The following CRYBG1 variants were observed in gnomAD, a reference collection of about 807,000 sequenced individuals.
CRYBG1 encodes the protein crystallin beta-gamma domain containing 1.
A neutral mutation model predicts 189.2 loss-of-function variants in CRYBG1; 139 were observed. The observed-to-expected ratio is 0.73, with a 90% CI of 0.64 to 0.85. CRYBG1 has a LOEUF of 0.85. CRYBG1 is among the 40% of genes least tolerant of loss of function. CRYBG1 has a pLI of 0.00. For synonymous variants in CRYBG1, 1,023 were observed against 1,017.1 expected (o/e 1.01, Z -0.11); for missense variants, 2,611 against 2,675.8 (o/e 0.98, Z 0.53).
intron 2 of CRYBG1, among the ~76,000 whole-genome samples, chr6:106,480,421 T>G (rs1772422172): frequency 6.6e-6 from 1 of 151,680 alleles, no homozygotes; most frequent in South Asian, 2.1e-4. Context: ...TCCCAGCACT[T>G]TGGGAGGCCG....
At chr6:106,566,859 A>G (rs9486403) in intron 21 of CRYBG1, among the ~76,000 whole-genome samples, 25,917 of 152,068 alleles carry the variant, frequency 0.17, 2,840 homozygotes, top group African/African-American at 0.31. Flanking sequence ...TGCCCTAAGA[A>G]TTATTAGATC....
chr6:106,552,582 C>CAAAAAAAAAAAAAAAAAAAAAAAAAAA (rs58470981), intron 15 of CRYBG1, among the ~76,000 whole-genome samples: 1 of 67,622 alleles, frequency 1.5e-5, no homozygotes, highest in Non-Finnish European at 2.7e-5. Context: ...GACTCTGTCT[C>CAAAAAAAAAAAAAAAAAAAAAAAAAAA]AAAAAAAAAA....
At chr6:106,408,071 C>G (rs1770857724) in intron 1 of CRYBG1, among the ~76,000 whole-genome samples, 1 of 152,052 alleles carries the variant, frequency 6.6e-6, no homozygotes, top group African/African-American at 2.4e-5. Context: ...TTCAGAAAAT[C>G]AATGAATCCA....
At chr6:106,530,350 GT>G (rs770773747) in intron 8 of CRYBG1, 35 bp downstream of exon 8, 19 of 1,586,446 alleles carry the variant, frequency 1.2e-5, no homozygotes, top group African/African-American at 9.5e-5. Flanking sequence ...TTTTAATGAA[GT>G]TTTTTTGTGA....
rs1308904343 is a variant in CRYBG1 at position 106,431,064 on chromosome 6, G to C, written c.174-20630G>C. Among the ~76,000 whole-genome samples the C allele has an allele frequency of 3.3e-5, 5 of 152,126 alleles. No individual in the cohort carries two copies. In the East Asian group the frequency reaches 9.7e-4, roughly 29 times the overall value. On this transcript the variant is annotated intron_variant, in intron 1 of 21. Coordinates refer to ENST00000633556, the MANE Select transcript of CRYBG1 (RefSeq NM_001371242.2). ...TTTAGTAGAGATGGGGTTTCACCAT[G>C]TCAGCCAGGCTGGTCTCAAACTCCT... is the stretch of plus-strand genomic sequence containing the variant.
In CRYBG1 at chr6:106,529,921, A is replaced by G. The variant is rs565296215; in HGVS notation, c.4579-255A>G. On this transcript the variant is annotated intron_variant, in intron 7 of 21. Transcript: ENST00000633556. Reference sequence around the variant, plus strand: ...AGAAATATATTCCAAAACTCAAATAAAATACATTTCTGATGATCTTTGCTT... The same window carrying G: ...AGAAATATATTCCAAAACTCAAATAGAATACATTTCTGATGATCTTTGCTT... Among the ~76,000 whole-genome samples the G allele has an allele frequency of 3.2e-3, 487 of 152,320 alleles. 3 individuals are homozygous for G. The highest frequency in any genetic ancestry group is 4.7e-3 in the Non-Finnish European group (317 of 68,022).
intron 2 of CRYBG1, among the ~76,000 whole-genome samples, chr6:106,461,466 G>T (rs1772006882): frequency 6.6e-6 from 1 of 152,202 alleles, no homozygotes. Context: ...GGCCAGAGAT[G>T]CTCACTTGTG....
At chr6:106,526,941 CAA>C (rs35768853) in intron 6 of CRYBG1, among the ~76,000 whole-genome samples, 71 of 88,356 alleles carry the variant, frequency 8.0e-4, no homozygotes, top group South Asian at 8.2e-4. Context: ...ACTCTGTATC[CAA>C]AAAAAAAAAA....
At chr6:106,409,317 G>A (rs553610674) in intron 1 of CRYBG1, among the ~76,000 whole-genome samples, 66 of 152,126 alleles carry the variant, frequency 4.3e-4, no homozygotes, top group Non-Finnish European at 7.8e-4. Flanking sequence ...ACTTACAAGG[G>A]ATGTGAAAGA....
rs530047869 is a variant in CRYBG1, at chr6:106,509,010, T to C, written c.313-2420T>C. Among the ~76,000 whole-genome samples the C allele has an allele frequency of 1.7e-4, 26 of 152,146 alleles. No homozygotes were observed. In the South Asian group the frequency reaches 4.8e-3, roughly 28 times the overall value. On this transcript the variant is annotated intron_variant, in intron 2 of 21. Coordinates refer to ENST00000633556, the MANE Select transcript of CRYBG1 (RefSeq NM_001371242.2). ...GCGTCTGCTGCATGGGAAAAGCAGA[T>C]TGCAACATCATTGGCAGGACAGAGT... is the stretch of plus-strand genomic sequence containing the variant.
In CRYBG1 at chr6:106,553,488, C is replaced by T. The variant is rs1202636540; in HGVS notation, c.5506C>T (p.His1836Tyr). 1 of 1,613,362 alleles carries T rather than the reference C, an allele frequency of 6.2e-7. No individual in the cohort carries two copies. Among genetic ancestry groups the T allele is most frequent in the Non-Finnish European group, 8.5e-7 (1 of 1,179,506 alleles). ...HLFSEPQFQG[H>Y]SQSFEETTSQ... ...GTTTTCAGAACCACAGTTTCAAGGTCACAGTCAAAGTTTTGAAGAAACAAC... is the reference window on the plus strand; with the variant it reads ...GTTTTCAGAACCACAGTTTCAAGGTTACAGTCAAAGTTTTGAAGAAACAAC... The change falls in exon 16 of 22, where the codon CAC (histidine) becomes TAC (tyrosine). Residue 1836 changes from histidine to tyrosine, a missense_variant. Physicochemically the swap from His to Tyr is moderately conservative, Grantham distance 83. Transcript: ENST00000633556.
chr6:106,510,546 C>G (rs936613286), intron 2 of CRYBG1, among the ~76,000 whole-genome samples: 2 of 152,232 alleles, frequency 1.3e-5, no homozygotes, highest in Non-Finnish European at 2.9e-5. Context: ...ATAGGTGGGC[C>G]GGCCCCTGGG....
intron 2 of CRYBG1, among the ~76,000 whole-genome samples, chr6:106,453,509 A>C (rs892501443): frequency 2.6e-5 from 4 of 152,232 alleles, no homozygotes; most frequent in Admixed American, 6.5e-5. Context: ...ATTTTTAACT[A>C]GGGGAAAAAA....
In CRYBG1 at chr6:106,491,534, A is replaced by G. The variant is rs547748829; in HGVS notation, c.313-19896A>G. On this transcript the variant is annotated intron_variant, in intron 2 of 21. Transcript: ENST00000633556. ...CAACATGACCCAAGCTGGACTCCCTACCCTCCGACGGAGCTCTCCAGTGCT... is the reference window on the plus strand; with the variant it reads ...CAACATGACCCAAGCTGGACTCCCTGCCCTCCGACGGAGCTCTCCAGTGCT... Among the ~76,000 whole-genome samples the G allele has an allele frequency of 4.6e-5, 7 of 151,952 alleles. No homozygotes were observed. The South Asian group carries it at 1.5e-3, about 32-fold the overall frequency.
rs1046336450 is a variant in CRYBG1, at chr6:106,520,499, T to G, written c.3291T>G (p.Ser1097Arg). ...ACATTTCTGCTGGTAGTGATGATAG[T>G]GTATTTGATTCTTCTTCTGATATGG... is the stretch of plus-strand genomic sequence containing the variant. ...LLNISAGSDD[S>R]VFDSSSDMEK... Residue 1097 changes from serine (S) to arginine (R), a missense_variant, in exon 4 of 22, where the codon AGT becomes AGG. Transcript: ENST00000633556. 1 of 1,614,152 alleles carries G rather than the reference T, an allele frequency of 6.2e-7. No homozygotes were observed. Among genetic ancestry groups the G allele is most frequent in the Non-Finnish European group, 8.5e-7 (1 of 1,180,020 alleles).
At chr6:106,453,067 G>A (rs1207910219) in intron 2 of CRYBG1, among the ~76,000 whole-genome samples, 6 of 152,178 alleles carry the variant, frequency 3.9e-5, no homozygotes, top group Non-Finnish European at 8.8e-5. Flanking sequence ...AAGAGTTCTG[G>A]AGATTGGCTG....
chr6:106,488,325 C>T (rs1456882648), intron 2 of CRYBG1, among the ~76,000 whole-genome samples: 2 of 152,136 alleles, frequency 1.3e-5, no homozygotes, highest in East Asian at 1.9e-4. Context: ...GGTGTAGGGT[C>T]CCCTCCAGGC....
intron 2 of CRYBG1, among the ~76,000 whole-genome samples, chr6:106,452,816 C>T (rs1457279375): frequency 1.3e-5 from 2 of 152,178 alleles, no homozygotes; most frequent in Non-Finnish European, 2.9e-5. Flanking sequence ...CATGCACTTA[C>T]TTGTCTGCAG....
At chr6:106,499,872 G>A (rs972389048) in intron 2 of CRYBG1, among the ~76,000 whole-genome samples, 1 of 152,098 alleles carries the variant, frequency 6.6e-6, no homozygotes, top group Non-Finnish European at 1.5e-5. Context: ...CTCTACTTCT[G>A]TAAGTTTGAC....
Sources: allele counts gnomAD v4.1 joint callset (sites outside exome capture counted in the v4.1 genomes callset), GRCh38; gene constraint gnomAD v4.1.1; transcripts MANE v1.5; gene names NCBI Gene and HGNC (gene_info 2026-07-23, HGNC 2026-07-21).